PPARGC1A: variants seen among roughly 807,000 people sequenced by gnomAD.
The protein encoded by PPARGC1A is peroxisome proliferator-activated receptor gamma coactivator 1-alpha.
Under a neutral mutation model 88.7 loss-of-function variants are expected in PPARGC1A, and 25 were observed. That is an observed-to-expected ratio of 0.28 (90% CI 0.21 to 0.39). The LOEUF (loss-of-function observed/expected upper bound fraction) is 0.39. PPARGC1A is among the 10% of genes least tolerant of loss of function. PPARGC1A has a pLI of 1.00. For synonymous variants in PPARGC1A, 363 were observed against 355.6 expected (o/e 1.02, Z -0.24); for missense variants, 880 against 968.7 (o/e 0.91, Z 1.22).
the PPARGC1A span, among the ~76,000 whole-genome samples, chr4:24,408,913 A>G: frequency 6.6e-6 from 1 of 152,212 alleles, no homozygotes; most frequent in Non-Finnish European, 1.5e-5. Flanking sequence ...TATGCAGAAA[A>G]GGTAATCAGA....
At chr4:24,058,345 T>G in the PPARGC1A span, among the ~76,000 whole-genome samples, 1 of 152,180 alleles carries the variant, frequency 6.6e-6, no homozygotes, top group South Asian at 2.1e-4. Context: ...TTGGATTATG[T>G]TGGGGAAGGT....
the PPARGC1A span, among the ~76,000 whole-genome samples, chr4:23,968,427 C>T: frequency 1.3e-5 from 2 of 152,118 alleles, no homozygotes; most frequent in Non-Finnish European, 2.9e-5. Flanking sequence ...CCACTGCAAC[C>T]AACCAGTCCA....
chr4:24,378,422 C>T, the PPARGC1A span, among the ~76,000 whole-genome samples: 1 of 151,924 alleles, frequency 6.6e-6, no homozygotes, highest in African/African-American at 2.4e-5. Flanking sequence ...ATATTTATAG[C>T]CAATTTTTAC....
chr4:24,450,383 G>T, the PPARGC1A span, among the ~76,000 whole-genome samples: 1 of 152,160 alleles, frequency 6.6e-6, no homozygotes, highest in East Asian at 1.9e-4. Flanking sequence ...CCATTTTACA[G>T]ATCAGAAAGC....
At chr4:24,460,700 C>T in the PPARGC1A span, among the ~76,000 whole-genome samples, 10 of 152,168 alleles carry the variant, frequency 6.6e-5, no homozygotes, top group Non-Finnish European at 1.3e-4. Context: ...CTATGTAACC[C>T]TCTTCGTTTG....
the PPARGC1A span, among the ~76,000 whole-genome samples, chr4:24,255,204 CT>C: frequency 2.0e-5 from 3 of 152,126 alleles, no homozygotes; most frequent in African/African-American, 7.2e-5. Flanking sequence ...TGTTCATTTG[CT>C]TAATAAGGAT....
chr4:24,404,535 A>G, the PPARGC1A span, among the ~76,000 whole-genome samples: 4 of 152,150 alleles, frequency 2.6e-5, no homozygotes, highest in African/African-American at 9.7e-5. Context: ...ACTGAAAGAT[A>G]TATATTAAAA....
chr4:24,283,668 T>C, the PPARGC1A span, among the ~76,000 whole-genome samples: 1 of 152,104 alleles, frequency 6.6e-6, no homozygotes, highest in Admixed American at 6.6e-5. Context: ...TCCTATAAAA[T>C]CAAGGCAGTG....
chr4:24,308,295 A>G, the PPARGC1A span, among the ~76,000 whole-genome samples: 575 of 1,502 alleles, frequency 0.38, 27 homozygotes, highest in South Asian at 0.53. Context: ...CTGCCACCGA[A>G]AAAAAAAAAA....
the PPARGC1A span, among the ~76,000 whole-genome samples, chr4:24,053,435 A>C: frequency 6.6e-6 from 1 of 152,276 alleles, no homozygotes; most frequent in South Asian, 2.1e-4. Flanking sequence ...AAGGCTAAGC[A>C]CCAGCTTTGA....
At chr4:24,120,262 G>C in the PPARGC1A span, among the ~76,000 whole-genome samples, 1 of 152,088 alleles carries the variant, frequency 6.6e-6, no homozygotes, top group Non-Finnish European at 1.5e-5. Context: ...GGATGGGTGA[G>C]GAGCTAAGCC....
the PPARGC1A span, among the ~76,000 whole-genome samples, chr4:24,077,632 T>TGG: frequency 2.0e-3 from 265 of 130,864 alleles, no homozygotes; most frequent in Non-Finnish European, 3.4e-3. Context: ...GGGGTGTGTG[T>TGG]GTGTGTGTGT....
the PPARGC1A span, among the ~76,000 whole-genome samples, chr4:24,427,638 G>T: frequency 6.6e-6 from 1 of 152,242 alleles, no homozygotes; most frequent in African/African-American, 2.4e-5. Context: ...GCCATAGGTG[G>T]GTGGGCCAAT....
At chr4:23,866,528 C>T (rs887589589) in intron 2 of PPARGC1A, among the ~76,000 whole-genome samples, 10 of 152,104 alleles carry the variant, frequency 6.6e-5, no homozygotes, top group Non-Finnish European at 1.0e-4. Context: ...ACATTTTCCC[C>T]GCAAATGGTT....
chr4:24,095,586 T>C, the PPARGC1A span, among the ~76,000 whole-genome samples: 6,453 of 152,162 alleles, frequency 0.042, 218 homozygotes, highest in East Asian at 0.17. Context: ...TTCAGGGTGA[T>C]GCATCTACAA....
At chr4:24,298,192 A>AG in the PPARGC1A span, among the ~76,000 whole-genome samples, 1 of 151,504 alleles carries the variant, frequency 6.6e-6, no homozygotes, top group Admixed American at 6.6e-5. Flanking sequence ...AAATGAAAAA[A>AG]AAAAAGATAA....
the PPARGC1A span, among the ~76,000 whole-genome samples, chr4:24,441,816 C>T: frequency 2.0e-5 from 3 of 152,202 alleles, no homozygotes; most frequent in African/African-American, 4.8e-5. Context: ...AAACTCTGAG[C>T]TCTCAACAAC....
the PPARGC1A span, among the ~76,000 whole-genome samples, chr4:24,433,091 C>T: frequency 1.3e-5 from 2 of 152,178 alleles, no homozygotes; most frequent in Non-Finnish European, 2.9e-5. Context: ...GAGAAATTTG[C>T]TTTTGTTAGC....
the PPARGC1A span, among the ~76,000 whole-genome samples, chr4:24,457,391 T>A: frequency 6.6e-6 from 1 of 152,188 alleles, no homozygotes; most frequent in Non-Finnish European, 1.5e-5. Flanking sequence ...TCATCTTGAA[T>A]ATGAGCTTTA....
Sources: allele counts gnomAD v4.1 joint callset (sites outside exome capture counted in the v4.1 genomes callset), GRCh38; gene constraint gnomAD v4.1.1; transcripts MANE v1.5; gene names NCBI Gene and HGNC (gene_info 2026-07-23, HGNC 2026-07-21).